ST7L: variants seen among roughly 807,000 people sequenced by gnomAD.
ST7L encodes suppressor of tumorigenicity 7 protein-like.
In ST7L, 57 loss-of-function variants were observed where a neutral mutation model predicts 72.5. The ratio of observed to expected loss-of-function variants is 0.79; its 90% CI spans 0.64 to 0.98. The LOEUF is 0.98. ST7L is among the 50% of genes least tolerant of loss of function. ST7L has a pLI of 0.00. For synonymous variants in ST7L, 221 were observed against 240.9 expected (o/e 0.92, Z 0.77); for missense variants, 576 against 672.2 (o/e 0.86, Z 1.58).
chr1:112,560,383 G>C (rs917141319), intron 11 of ST7L, among the ~76,000 whole-genome samples: 1 of 152,078 alleles, frequency 6.6e-6, no homozygotes, highest in African/African-American at 2.4e-5. Context: ...GACAGAGCGA[G>C]ACTCTGTCTC....
chr1:112,560,373 G>A (rs1347183885), intron 11 of ST7L, among the ~76,000 whole-genome samples: 1 of 152,050 alleles, frequency 6.6e-6, no homozygotes, highest in Non-Finnish European at 1.5e-5. Flanking sequence ...CAGCCTGGAT[G>A]ACAGAGCGAG....
At chr1:112,551,078 T>C (rs1658047183) in intron 12 of ST7L, among the ~76,000 whole-genome samples, 1 of 150,766 alleles carries the variant, frequency 6.6e-6, no homozygotes, top group African/African-American at 2.4e-5. Flanking sequence ...CAACCTAAAA[T>C]AGTTTTCAAT....
chr1:112,594,177 G>A (rs1415082626), intron 5 of ST7L, among the ~76,000 whole-genome samples: 1 of 143,502 alleles, frequency 7.0e-6, no homozygotes, highest in Non-Finnish European at 1.5e-5. Flanking sequence ...CCTGCTCACT[G>A]CAAAGATATG....
chr1:112,578,344 C>T lies in ST7L; in HGVS notation c.1142+1G>A. 1 of 1,613,810 alleles carries T rather than the reference C, an allele frequency of 6.2e-7. No individual in the cohort carries two copies. Among genetic ancestry groups the T allele is most frequent in the East Asian group, 2.2e-5 (1 of 44,866 alleles). On this transcript the variant is annotated splice_donor_variant, in intron 10 of 14. Coordinates refer to ENST00000358039, the MANE Select transcript of ST7L (RefSeq NM_017744.5). LOFTEE classifies it high-confidence loss of function. ...ATCATTGTAGTTTTTATAACACGTA[C>T]TTTTCTGAAACAGTCCTTGTCTTCA...
chr1:112,521,327 T>TTC (rs1652869324), downstream of ST7L: 1 of 147,008 alleles, frequency 6.8e-6, no homozygotes, highest in Non-Finnish European at 1.5e-5. Context: ...TTTTTTTTTT[T>TTC]TTTTCTTTTC....
intron 5 of ST7L, among the ~76,000 whole-genome samples, chr1:112,596,514 C>T (rs143405507): frequency 6.6e-6 from 1 of 152,312 alleles, no homozygotes; most frequent in African/African-American, 2.4e-5. Context: ...CATCAAGTGA[C>T]TGGGAAGATT....
chr1:112,580,655 T>G (rs1238482895), intron 9 of ST7L, among the ~76,000 whole-genome samples: 1 of 152,212 alleles, frequency 6.6e-6, no homozygotes, highest in Non-Finnish European at 1.5e-5. Context: ...CCAGGTGCGG[T>G]GGCTCACGCC....
At chr1:112,605,083 G>A (rs141160549) in intron 3 of ST7L, among the ~76,000 whole-genome samples, 2,242 of 117,496 alleles carry the variant, frequency 0.019, 63 homozygotes, top group African/African-American at 0.074. Flanking sequence ...GTGAAACTCC[G>A]GCTCCAAAAA....
chr1:112,571,590 C>G (rs751594782), intron 11 of ST7L, among the ~76,000 whole-genome samples: 15 of 152,236 alleles, frequency 9.9e-5, no homozygotes, highest in Non-Finnish European at 1.6e-4. Context: ...CCAGGCCTGG[C>G]TAATTTTGTA....
At chr1:112,598,266 G>A (rs1178525917) in intron 4 of ST7L, among the ~76,000 whole-genome samples, 180 bp from the exon 5 acceptor site, 4 of 151,990 alleles carry the variant, frequency 2.6e-5, no homozygotes, top group African/African-American at 4.8e-5. Context: ...AAACATCAAA[G>A]ACCAAATAGA....
At position 112,584,087 on chromosome 1, in the gene ST7L, T is replaced by C; in HGVS notation, c.741A>G (p.Ala247=). ...ACCTTTCAGCATCTACAATAGTTGT[T>C]GCTTCTTCCTCAGCCAGTAGAACAT... ...TAYVLLAEEE[A]TTIVDAERLF... The change falls in exon 7 of 15, where the codon GCA becomes GCG. Residue 247 remains alanine (A), a synonymous_variant. Transcript: ENST00000358039. 6.2e-7 allele frequency: 1 copy of C among 1,614,094 alleles called. No homozygotes were observed. The highest frequency in any genetic ancestry group is 8.5e-7 in the Non-Finnish European group (1 of 1,180,014).
chr1:112,582,502 C>G (rs1664283151), intron 7 of ST7L, 30 bp from the exon 8 acceptor site: 1 of 1,346,532 alleles, frequency 7.4e-7, no homozygotes, highest in Non-Finnish European at 1.0e-6. Context: ...AATGATACAA[C>G]TATCACTTTT....
At chr1:112,578,023 T>G (rs1226605659) in intron 10 of ST7L, among the ~76,000 whole-genome samples, 1 of 152,086 alleles carries the variant, frequency 6.6e-6, no homozygotes, top group Non-Finnish European at 1.5e-5. Flanking sequence ...AGATATTGCT[T>G]TAGGCACTTA....
chr1:112,582,143 A>T (rs982539302), intron 8 of ST7L, 37 bp from the exon 9 acceptor site: 1 of 1,460,032 alleles, frequency 6.8e-7, no homozygotes, highest in Non-Finnish European at 9.5e-7. Flanking sequence ...TAAAATCATA[A>T]CAAAGGAACT....
At chr1:112,590,484 C>T (rs116516522) in intron 6 of ST7L, among the ~76,000 whole-genome samples, 1,810 of 152,194 alleles carry the variant, frequency 0.012, 36 homozygotes, top group African/African-American at 0.041. Context: ...CTTTACTCTG[C>T]CATTTTTGCT....
chr1:112,571,598 G>T (rs535103905), intron 11 of ST7L, among the ~76,000 whole-genome samples: 2 of 152,208 alleles, frequency 1.3e-5, no homozygotes, highest in South Asian at 4.2e-4. Context: ...GGCTAATTTT[G>T]TATTTTTAGT....
At chr1:112,601,924 CA>C (rs1667451967) in intron 3 of ST7L, among the ~76,000 whole-genome samples, 1 of 151,642 alleles carries the variant, frequency 6.6e-6, no homozygotes, top group Non-Finnish European at 1.5e-5. Flanking sequence ...ACTAAAAATA[CA>C]AAATTAGCTG....
chr1:112,562,658 C>CAGTG (rs1392736803), intron 11 of ST7L, among the ~76,000 whole-genome samples: 1 of 152,040 alleles, frequency 6.6e-6, no homozygotes, highest in East Asian at 1.9e-4. Flanking sequence ...TGACAATGAA[C>CAGTG]ATAATGAGCA....
intron 13 of ST7L, among the ~76,000 whole-genome samples, chr1:112,549,101 A>G (rs1657655596): frequency 6.6e-6 from 1 of 152,076 alleles, no homozygotes; most frequent in East Asian, 1.9e-4. Flanking sequence ...CGTCATCTAA[A>G]TAATATTGGG....
Sources: gnomAD v4.1 joint callset for allele counts (sites outside exome capture counted in the v4.1 genomes callset) on GRCh38, gnomAD v4.1.1 for gene constraint, MANE v1.5 for transcripts, NCBI Gene and HGNC (gene_info 2026-07-23, HGNC 2026-07-21) for gene names.